HTT: variants seen among roughly 807,000 people sequenced by gnomAD.
HTT encodes the protein huntingtin.
A neutral mutation model predicts 362.3 loss-of-function variants in HTT; 104 were observed. That is an observed-to-expected ratio of 0.29 (90% confidence interval 0.24 to 0.34). HTT has a LOEUF of 0.34. Ranked by LOEUF, HTT falls within the 10% of genes least tolerant of loss-of-function variation. The pLI is 1.00. For synonymous variants in HTT, 1,577 were observed against 1,548.7 expected (o/e 1.02, Z -0.43); for missense variants, 3,301 against 3,928.6 (o/e 0.84, Z 4.27).
chr4:3,115,451 G>T lies in HTT; in HGVS notation c.889+6G>T, dbSNP rs777207341. On this transcript the variant is annotated splice_donor_region_variant and intron_variant, in intron 7 of 66. Transcript: ENST00000355072. ...GCTACTAAATGTGCTCTTAGGTAAG[G>T]TGGAGGCATATGAGTGGAAGAGTCT... is the stretch of plus-strand genomic sequence containing the variant. 3.3e-5 allele frequency: 53 copies of T among 1,609,714 alleles called. No individual in the cohort carries two copies. In the Middle Eastern group the frequency reaches 6.6e-4, roughly 20 times the overall value.
intron 23 of HTT, among the ~76,000 whole-genome samples, chr4:3,144,190 A>G (rs1001559056): frequency 1.3e-5 from 2 of 152,218 alleles, no homozygotes; most frequent in Non-Finnish European, 2.9e-5. Context: ...GGGATTGTGG[A>G]TGATTTTTTT....
Position 3,074,754 on chromosome 4 carries a change from G to T in HTT, c.-72G>T. 3 of 1,457,700 alleles carry T rather than the reference G, an allele frequency of 2.1e-6. No homozygotes were observed. Among genetic ancestry groups the T allele is most frequent in the Non-Finnish European group, 1.8e-6 (2 of 1,097,460 alleles). 90.3% of individuals were successfully genotyped at this position (1,457,700 alleles called of 1,614,324 possible). A position where few individuals can be genotyped will look rare whatever the true frequency, so the allele number is the denominator to read the frequency against. On this transcript the variant is annotated 5_prime_UTR_variant, in exon 1 of 67. Coordinates refer to ENST00000355072, the MANE Select transcript of HTT (RefSeq NM_001388492.1). ...CCTGCGGCCCAGAGCCCCATTCATTGCCCCGGTGCTGAGCGGCGCCGCGAG... is the reference window on the plus strand; with the variant it reads ...CCTGCGGCCCAGAGCCCCATTCATTTCCCCGGTGCTGAGCGGCGCCGCGAG...
chr4:3,174,762 C>T lies in HTT; in HGVS notation c.4208C>T (p.Thr1403Ile), dbSNP rs1718154118. Residue 1403 changes from threonine (T) to isoleucine (I), a missense_variant, in exon 32 of 67, where the codon ACA (threonine) becomes ATA (isoleucine). Thr to Ile is a moderately conservative substitution (Grantham distance 89). Coordinates refer to ENST00000355072, the MANE Select transcript of HTT (RefSeq NM_001388492.1). ...CAGAAAGTGTCTACCCAGTTGAAGA[C>T]AAACCTCACGAGTGTCACAAAGAAC... ...VLQKVSTQLK[T>I]NLTSVTKNRA... 1.2e-6 allele frequency: 2 copies of T among 1,614,130 alleles called. No individual in the cohort carries two copies. The highest frequency in any genetic ancestry group is 2.2e-5 in the South Asian group (2 of 91,074).
In HTT at chr4:3,218,023, C is replaced by T. The variant is rs1292719116; in HGVS notation, c.7242+71C>T. 22 of 1,319,414 alleles carry T rather than the reference C, an allele frequency of 1.7e-5. No homozygotes were observed. Among genetic ancestry groups the T allele is most frequent in the East Asian group, 1.4e-4 (6 of 42,016 alleles). The allele number at this position is 1,319,414 out of a possible 1,614,324, so 81.7% of individuals were successfully genotyped here. A position where few individuals can be genotyped will look rare whatever the true frequency, so the allele number is the denominator to read the frequency against. On this transcript the variant is annotated intron_variant, in intron 52 of 66. Coordinates refer to ENST00000355072, the MANE Select transcript of HTT (RefSeq NM_001388492.1). This position sits in a 1 kb window ranked among gnomAD's most constrained non-coding sequence, Gnocchi z 4.4. ...ACCGGTAGGCCCTGGGCTGGGCACACGTGAGAGGGCGGGACAGAATCCCCG... is the reference window on the plus strand; with the variant it reads ...ACCGGTAGGCCCTGGGCTGGGCACATGTGAGAGGGCGGGACAGAATCCCCG...
At position 3,240,233 on chromosome 4, in the gene HTT, C is replaced by A. The variant is rs1471044345; in HGVS notation, c.*174C>A. On this transcript the variant is annotated 3_prime_UTR_variant, in exon 67 of 67. Transcript: ENST00000355072. Reference sequence around the variant, plus strand: ...CATGTGGCAGAAGTGCTCTTTGTGGCAGTGGCCAGGCAGGGAGTGTCTGCA... The same window carrying A: ...CATGTGGCAGAAGTGCTCTTTGTGGAAGTGGCCAGGCAGGGAGTGTCTGCA... The A allele has an allele frequency of 4.8e-6, 3 of 622,198 alleles. No individual in the cohort carries two copies. Among genetic ancestry groups the A allele is most frequent in the Non-Finnish European group, 8.5e-6 (3 of 353,688 alleles). The allele number at this position is 622,198 out of a possible 1,614,324, so 38.5% of individuals were successfully genotyped here.
chr4:3,143,705 G>A (rs1393854517), intron 23 of HTT, among the ~76,000 whole-genome samples: 5 of 151,408 alleles, frequency 3.3e-5, no homozygotes, highest in Non-Finnish European at 7.4e-5. Context: ...CCGGGTTCAA[G>A]CAATTCTCCT....
At chr4:3,088,812 C>A (rs1040843953) in intron 2 of HTT, among the ~76,000 whole-genome samples, 1 of 151,930 alleles carries the variant, frequency 6.6e-6, no homozygotes, top group Non-Finnish European at 1.5e-5. Context: ...AGTGATTTCA[C>A]AAAACCGTTT....
intron 23 of HTT, among the ~76,000 whole-genome samples, chr4:3,144,477 C>A (rs2110202087): frequency 1.3e-5 from 2 of 152,216 alleles, no homozygotes; most frequent in East Asian, 3.9e-4. Flanking sequence ...GGCACCACAC[C>A]TGGCTAATTT....
Position 3,154,339 on chromosome 4 carries a change from G to T in HTT, c.3545G>T (p.Arg1182Leu). ...LTNPPSLSPI[R>L]RKGKEKEPGE... Reference sequence around the variant, plus strand: ...AACCCCCCTTCTCTAAGTCCCATCCGACGAAAGGGGAAGGAGAAAGAACCA... The same window carrying T: ...AACCCCCCTTCTCTAAGTCCCATCCTACGAAAGGGGAAGGAGAAAGAACCA... The change falls in exon 27 of 67, where the codon CGA becomes CTA. Residue 1182 changes from arginine to leucine, a missense_variant. Arg to Leu is a moderately radical substitution (Grantham distance 102). This residue lies in a region of HTT where 2,316 missense variants were observed against 2,658.5 expected (regional missense o/e 0.87). Coordinates refer to ENST00000355072, the MANE Select transcript of HTT (RefSeq NM_001388492.1). The T allele has an allele frequency of 2.5e-6, 4 of 1,611,806 alleles. No individual in the cohort carries two copies. The highest frequency in any genetic ancestry group is 3.4e-6 in the Non-Finnish European group (4 of 1,178,992).
chr4:3,100,801 C>T (rs1158753802), intron 3 of HTT, among the ~76,000 whole-genome samples: 1 of 152,236 alleles, frequency 6.6e-6, no homozygotes, highest in Non-Finnish European at 1.5e-5. Context: ...GATCACGGCT[C>T]ATTGCAGCCT....
At position 3,218,775 on chromosome 4, in the gene HTT, A is replaced by G. The variant is rs1720537490; in HGVS notation, c.7242+823A>G. Among the ~76,000 whole-genome samples the G allele has an allele frequency of 1.3e-5, 2 of 152,196 alleles. No homozygotes were observed. Among genetic ancestry groups the G allele is most frequent in the Admixed American group, 1.3e-4 (2 of 15,278 alleles). ...CATCATCTCCCACCAGCCCGCTGAA[A>G]TAAGATGATGGGGCCTGTTCCTTAG... On this transcript the variant is annotated intron_variant, in intron 52 of 66. Transcript: ENST00000355072. The surrounding 1 kb of genome is among the most constrained non-coding windows in gnomAD (Gnocchi z 4.4).
chr4:3,221,630 C>G (rs530494493), intron 53 of HTT, among the ~76,000 whole-genome samples: 1 of 152,218 alleles, frequency 6.6e-6, no homozygotes, highest in South Asian at 2.1e-4. Flanking sequence ...GTTCTCCTGT[C>G]CTAAGCACCC....
intron 30 of HTT, 97 bp downstream of exon 30, chr4:3,172,494 G>A (rs1718037329): frequency 3.5e-6 from 3 of 857,634 alleles, no homozygotes; most frequent in Non-Finnish European, 6.1e-6. Context: ...GGCATAATCA[G>A]CTGGGAGGAT....
At chr4:3,232,168 A>G (rs543918965) in intron 60 of HTT, among the ~76,000 whole-genome samples, 1 of 152,176 alleles carries the variant, frequency 6.6e-6, no homozygotes, top group Non-Finnish European at 1.5e-5. Context: ...AGGGGATAGC[A>G]CAGGGTGAGG....
intron 6 of HTT, among the ~76,000 whole-genome samples, chr4:3,109,810 A>C (rs1412401129): frequency 6.6e-6 from 1 of 152,118 alleles, no homozygotes; most frequent in Non-Finnish European, 1.5e-5. Flanking sequence ...GGTTCTCAGC[A>C]CCCGGGGATC....
intron 3 of HTT, among the ~76,000 whole-genome samples, chr4:3,101,734 G>C (rs1042216882): frequency 6.6e-6 from 1 of 152,228 alleles, no homozygotes; most frequent in African/African-American, 2.4e-5. Context: ...AGGTAGGTTA[G>C]TCTCAGGCGG....
chr4:3,157,989 C>CTT (rs755194476), intron 28 of HTT, among the ~76,000 whole-genome samples: 12 of 147,876 alleles, frequency 8.1e-5, no homozygotes, highest in African/African-American at 2.5e-4. Flanking sequence ...TAGAAGCATC[C>CTT]TTGTTTTTTT....
chr4:3,126,080 G>C (rs956950969), intron 11 of HTT, among the ~76,000 whole-genome samples: 1 of 152,156 alleles, frequency 6.6e-6, no homozygotes, highest in African/African-American at 2.4e-5. Context: ...CTGTCACCCA[G>C]TGCAGATACC....
intron 66 of HTT, among the ~76,000 whole-genome samples, chr4:3,239,417 GGAGTT>G (rs59464879): frequency 0.24 from 36,769 of 152,142 alleles, 5,688 homozygotes; most frequent in East Asian, 0.38. Context: ...CTGGCTGCCA[GGAGTT>G]TCCCTTTCCA....
Sources: allele counts gnomAD v4.1 joint callset (sites outside exome capture counted in the v4.1 genomes callset), GRCh38; gene constraint gnomAD v4.1.1; regional missense constraint gnomAD v4.1.1; non-coding constraint Gnocchi (gnomAD v3.1); transcripts MANE v1.5; gene names NCBI Gene and HGNC (gene_info 2026-07-23, HGNC 2026-07-21).